Variants in EPC2 observed in about 807,000 individuals in gnomAD.
EPC2 encodes the protein enhancer of polycomb 2, also known as enhancer of polycomb homolog 2.
In EPC2, 14 loss-of-function variants were observed where a neutral mutation model predicts 92.1. That is an observed-to-expected ratio of 0.15 (90% CI 0.10 to 0.24). The LOEUF (loss-of-function observed/expected upper bound fraction) is 0.24. EPC2 is among the 10% of genes least tolerant of loss of function. EPC2 has a pLI of 1.00. For synonymous variants in EPC2, 340 were observed against 334.7 expected, an observed-to-expected ratio of 1.02 and a Z score of -0.17; for missense variants, 755 against 971.5, an observed-to-expected ratio of 0.78 and a Z score of 2.96.
intron 2 of EPC2, among the ~76,000 whole-genome samples, chr2:148,714,920 C>T (rs1487989912): frequency 6.6e-6 from 1 of 151,894 alleles, no homozygotes; most frequent in African/African-American, 2.4e-5. Flanking sequence ...AATTAGATTC[C>T]ATTTGTCAAG....
At chr2:148,684,897 G>A (rs1463181308) in intron 1 of EPC2, among the ~76,000 whole-genome samples, 2 of 152,134 alleles carry the variant, frequency 1.3e-5, no homozygotes, top group Admixed American at 6.5e-5. Flanking sequence ...CCAACACTTG[G>A]CATTATTTTA....
intron 2 of EPC2, among the ~76,000 whole-genome samples, chr2:148,720,894 A>G (rs934444558): frequency 2.0e-5 from 3 of 152,044 alleles, no homozygotes; most frequent in Non-Finnish European, 4.4e-5. Context: ...GTTCCTCTCC[A>G]TGAGCGCCAC....
At chr2:148,778,744 TAAAC>T (rs1558838597) in intron 10 of EPC2, among the ~76,000 whole-genome samples, 2 of 152,148 alleles carry the variant, frequency 1.3e-5, no homozygotes, top group African/African-American at 2.4e-5. Flanking sequence ...GAAGTAATAA[TAAAC>T]AGTGCTCTAG....
At chr2:148,688,678 A>C (rs1300265209) in intron 1 of EPC2, among the ~76,000 whole-genome samples, 1 of 152,186 alleles carries the variant, frequency 6.6e-6, no homozygotes, top group Non-Finnish European at 1.5e-5. Flanking sequence ...AAACATCCTT[A>C]TGCCTCAGTT....
chr2:148,652,052 T>C (rs1381069189), intron 1 of EPC2, among the ~76,000 whole-genome samples: 1 of 152,182 alleles, frequency 6.6e-6, no homozygotes, highest in Non-Finnish European at 1.5e-5. Context: ...TGTTCTATCA[T>C]TTATTTTCCC....
At chr2:148,681,181 A>G (rs943442943) in intron 1 of EPC2, among the ~76,000 whole-genome samples, 1 of 152,244 alleles carries the variant, frequency 6.6e-6, no homozygotes, top group Non-Finnish European at 1.5e-5. Flanking sequence ...TCACATGGTT[A>G]CAAAAACAGA....
chr2:148,755,537 A>G (rs144817901), intron 4 of EPC2, among the ~76,000 whole-genome samples: 29 of 152,302 alleles, frequency 1.9e-4, no homozygotes, highest in South Asian at 1.4e-3. Context: ...CCCTAAAATT[A>G]TAATACTGTA....
intron 10 of EPC2, among the ~76,000 whole-genome samples, chr2:148,772,295 A>G (rs1375669560): frequency 2.6e-5 from 4 of 152,174 alleles, no homozygotes; most frequent in Non-Finnish European, 5.9e-5. Context: ...GTATGCAAGT[A>G]TGTATAATTT....
At chr2:148,757,619 C>T (rs1683218003) in intron 4 of EPC2, among the ~76,000 whole-genome samples, 1 of 151,954 alleles carries the variant, frequency 6.6e-6, no homozygotes, top group Non-Finnish European at 1.5e-5. Flanking sequence ...GGGTGGATCA[C>T]CTGAGGTCGG....
chr2:148,647,369 G>T (rs569977228), intron 1 of EPC2, among the ~76,000 whole-genome samples: 1 of 152,048 alleles, frequency 6.6e-6, no homozygotes, highest in Non-Finnish European at 1.5e-5. Context: ...TTGCAATGGC[G>T]CGATCTCGGC....
chr2:148,707,927 A>G (rs1682040243), intron 2 of EPC2, among the ~76,000 whole-genome samples: 1 of 152,226 alleles, frequency 6.6e-6, no homozygotes, highest in African/African-American at 2.4e-5. Flanking sequence ...CTAACATCAC[A>G]ATTAAAAGAA....
chr2:148,754,239 A>G lies in EPC2; in HGVS notation c.666+106A>G, dbSNP rs983880140. 3.1e-5 allele frequency: 27 copies of G among 878,692 alleles called. No individual in the cohort carries two copies. The Admixed American group carries it at 7.2e-4, about 24-fold the overall frequency. The allele number at this position is 878,692 out of a possible 1,614,324, so 54.4% of individuals were successfully genotyped here. On this transcript the variant is annotated intron_variant, in intron 4 of 13. Coordinates refer to ENST00000258484, the MANE Select transcript of EPC2 (RefSeq NM_015630.4). Reference sequence around the variant, plus strand: ...TTTTAACATAATGGTAGCTAATGGCATTGATGACTTTCTATAAGAAATCCT... The same window carrying G: ...TTTTAACATAATGGTAGCTAATGGCGTTGATGACTTTCTATAAGAAATCCT...
intron 2 of EPC2, among the ~76,000 whole-genome samples, chr2:148,735,813 A>C (rs981313999): frequency 2.0e-5 from 3 of 149,588 alleles, no homozygotes; most frequent in African/African-American, 7.3e-5. Flanking sequence ...ATCAGTGTGC[A>C]TATTTCTTGA....
In EPC2 at chr2:148,771,094, T is replaced by G; in HGVS notation, c.1427T>G (p.Ile476Arg). The G allele has an allele frequency of 6.2e-7, 1 of 1,613,152 alleles. No homozygotes were observed. The highest frequency in any genetic ancestry group is 8.5e-7 in the Non-Finnish European group (1 of 1,179,398). ...STEHDPVLKQIDPEMLNSFSS... is the reference protein window; with the variant it reads ...STEHDPVLKQRDPEMLNSFSS... ...GAACATGACCCAGTCCTGAAACAGA[T>G]AGACCCTGAAATGCTGAATAGTTTT... is the stretch of plus-strand genomic sequence containing the variant. Residue 476 changes from isoleucine to arginine, a missense_variant, in exon 10 of 14, where the codon ATA (isoleucine) becomes AGA (arginine). By Grantham distance (97) the Ile-to-Arg change is moderately conservative (BLOSUM62 -3). This residue lies in a region of EPC2 where 509 missense variants were observed against 607.7 expected (regional missense o/e 0.84). Transcript: ENST00000258484.
intron 1 of EPC2, among the ~76,000 whole-genome samples, chr2:148,647,284 G>A (rs1683822762): frequency 2.0e-5 from 3 of 152,126 alleles, no homozygotes; most frequent in Non-Finnish European, 2.9e-5. Flanking sequence ...AAAAATAAAA[G>A]TGCTTAACTC....
At chr2:148,748,771 G>A (rs1248563655) in intron 3 of EPC2, among the ~76,000 whole-genome samples, 18 of 151,890 alleles carry the variant, frequency 1.2e-4, no homozygotes, top group Admixed American at 9.9e-4. Flanking sequence ...GTCAAATAAC[G>A]TCAGGTGTGG....
At chr2:148,683,797 A>G (rs561418589) in intron 1 of EPC2, among the ~76,000 whole-genome samples, 30 of 152,324 alleles carry the variant, frequency 2.0e-4, no homozygotes, top group African/African-American at 7.0e-4. Context: ...GGCTGGTTTC[A>G]TATTTTTGCA....
intron 2 of EPC2, among the ~76,000 whole-genome samples, chr2:148,734,445 G>T (rs1026152685): frequency 1.3e-5 from 2 of 151,872 alleles, no homozygotes; most frequent in Non-Finnish European, 2.9e-5. Flanking sequence ...TAAAAACCAT[G>T]ATTTCTGTAT....
At chr2:148,704,264 C>T (rs906387239) in intron 2 of EPC2, among the ~76,000 whole-genome samples, 1 of 152,114 alleles carries the variant, frequency 6.6e-6, no homozygotes, top group South Asian at 2.1e-4. Flanking sequence ...AAACCTGAGA[C>T]ATTGGCCAAG....
Sources: gnomAD v4.1 joint callset for allele counts (sites outside exome capture counted in the v4.1 genomes callset) on GRCh38, gnomAD v4.1.1 for gene constraint, gnomAD v4.1.1 regional missense constraint, MANE v1.5 for transcripts, NCBI Gene and HGNC (gene_info 2026-07-23, HGNC 2026-07-21) for gene names.